Variants in BCKDHB observed in about 807,000 individuals in gnomAD.
The protein encoded by BCKDHB is 2-oxoisovalerate dehydrogenase subunit beta, mitochondrial.
BCKDHB carries 41 observed loss-of-function variants against 48.5 expected under a neutral mutation model. That is an observed-to-expected ratio of 0.85 (90% CI 0.66 to 1.10). The LOEUF is 1.10. Among genes scored for constraint, BCKDHB ranks in the 50% least tolerant of loss-of-function variants. The probability of loss-of-function intolerance (pLI) is 0.00; values close to 1 mark genes in which losing one functional copy is unlikely to be tolerated. For missense variants in BCKDHB, 496 were observed against 494.2 expected, an observed-to-expected ratio of 1.00 and a Z score of -0.03; for synonymous variants, 201 against 174.8, an observed-to-expected ratio of 1.15 and a Z score of -1.18.
chr6:80,225,261 T>C (rs1775633856), intron 8 of BCKDHB, among the ~76,000 whole-genome samples: 2 of 152,180 alleles, frequency 1.3e-5, no homozygotes, highest in South Asian at 2.1e-4. Flanking sequence ...CTTGAGTAGC[T>C]GAATGCCTAG....
chr6:80,106,647 A>C (rs752265477), upstream of BCKDHB: 10 of 1,537,262 alleles, frequency 6.5e-6, no homozygotes, highest in Admixed American at 2.0e-5. Context: ...CCCTCCCCGC[A>C]GGCGGCGTGC....
the BCKDHB span, among the ~76,000 whole-genome samples, chr6:80,457,786 G>A: frequency 2.4e-3 from 367 of 152,258 alleles, 1 homozygote; most frequent in South Asian, 0.017. Flanking sequence ...CTAGTGTATA[G>A]AAACCTCACA....
the BCKDHB span, among the ~76,000 whole-genome samples, chr6:80,382,996 A>G: frequency 6.6e-6 from 1 of 152,174 alleles, no homozygotes; most frequent in Non-Finnish European, 1.5e-5. Context: ...GGTAATAACC[A>G]GCCTTTATTT....
At chr6:80,241,724 T>G (rs1406822981) in intron 8 of BCKDHB, among the ~76,000 whole-genome samples, 1 of 152,212 alleles carries the variant, frequency 6.6e-6, no homozygotes, top group Non-Finnish European at 1.5e-5. Flanking sequence ...GTAGGTATTG[T>G]CAAATGATTT....
chr6:80,365,714 G>C, the BCKDHB span, among the ~76,000 whole-genome samples: 2 of 151,972 alleles, frequency 1.3e-5, no homozygotes, highest in African/African-American at 2.4e-5. Context: ...CTGAGGTGAC[G>C]TACATCCTCA....
At chr6:80,307,814 C>T in intron 9 of BCKDHB, 4 of 985,058 alleles carry the variant, frequency 4.1e-6, no homozygotes, top group Non-Finnish European at 4.8e-6. Flanking sequence ...GTAGATAATC[C>T]ATTCAAATGG....
intron 3 of BCKDHB, among the ~76,000 whole-genome samples, chr6:80,152,330 T>C (rs1480611312): frequency 3.3e-5 from 5 of 152,206 alleles, no homozygotes; most frequent in Admixed American, 6.5e-5. Flanking sequence ...TAATAAAAGA[T>C]AGAAGACTGA....
intron 3 of BCKDHB, among the ~76,000 whole-genome samples, chr6:80,136,550 T>C (rs919460414): frequency 2.0e-5 from 3 of 152,128 alleles, no homozygotes; most frequent in African/African-American, 7.2e-5. Context: ...GATTTGATAA[T>C]GACTTTTTAA....
chr6:80,211,937 G>C (rs1774953785), intron 8 of BCKDHB, among the ~76,000 whole-genome samples: 1 of 152,082 alleles, frequency 6.6e-6, no homozygotes, highest in Non-Finnish European at 1.5e-5. Flanking sequence ...ACAGGGAGTA[G>C]ATACAAAGAT....
chr6:80,461,951 C>T, the BCKDHB span, among the ~76,000 whole-genome samples: 1 of 151,956 alleles, frequency 6.6e-6, no homozygotes, highest in South Asian at 2.1e-4. Context: ...AGATTTTGAA[C>T]TTCTTATATT....
chr6:80,372,109 G>A, the BCKDHB span, among the ~76,000 whole-genome samples: 1,179 of 151,992 alleles, frequency 7.8e-3, 13 homozygotes, highest in African/African-American at 0.027. Flanking sequence ...CTACCCACCC[G>A]TAAGTATGGG....
chr6:80,151,423 T>A (rs2127754132), intron 3 of BCKDHB, among the ~76,000 whole-genome samples: 1 of 149,826 alleles, frequency 6.7e-6, no homozygotes, highest in South Asian at 2.3e-4. Context: ...AACTAACTTT[T>A]TTTTTTTTTG....
intron 9 of BCKDHB, among the ~76,000 whole-genome samples, chr6:80,282,670 T>A (rs989113893): frequency 6.6e-6 from 1 of 152,038 alleles, no homozygotes; most frequent in African/African-American, 2.4e-5. Context: ...CTTTACTTGC[T>A]CAATGTTGTG....
At chr6:80,418,883 T>A in the BCKDHB span, among the ~76,000 whole-genome samples, 1 of 152,174 alleles carries the variant, frequency 6.6e-6, no homozygotes, top group South Asian at 2.1e-4. Flanking sequence ...TGGGGGCCAC[T>A]TCTGGTGATT....
intron 3 of BCKDHB, among the ~76,000 whole-genome samples, chr6:80,166,270 T>C (rs1772562654): frequency 6.6e-6 from 1 of 152,232 alleles, no homozygotes. Flanking sequence ...ATATTTTGTA[T>C]AGTTTTTTCA....
At chr6:80,206,229 A>T (rs1562135985) in intron 8 of BCKDHB, among the ~76,000 whole-genome samples, 2 of 152,122 alleles carry the variant, frequency 1.3e-5, no homozygotes, top group Non-Finnish European at 2.9e-5. Context: ...TCTCAAACCC[A>T]CAATACAGCC....
chr6:80,391,473 G>C, the BCKDHB span, among the ~76,000 whole-genome samples: 1 of 152,116 alleles, frequency 6.6e-6, no homozygotes. Context: ...TCAGAGATTG[G>C]AGTGATGCAA....
intron 1 of BCKDHB, among the ~76,000 whole-genome samples, chr6:80,123,318 A>G (rs1337471091): frequency 6.6e-6 from 1 of 152,220 alleles, no homozygotes; most frequent in African/African-American, 2.4e-5. Flanking sequence ...GAATTAAGAG[A>G]TTAAAGTAAA....
At chr6:80,245,874 G>A (rs938370975) in intron 8 of BCKDHB, among the ~76,000 whole-genome samples, 1 of 152,102 alleles carries the variant, frequency 6.6e-6, no homozygotes, top group Non-Finnish European at 1.5e-5. Context: ...TTAGGAATGC[G>A]AGACCAGCCT....
Sources: gnomAD v4.1 joint callset for allele counts (sites outside exome capture counted in the v4.1 genomes callset) on GRCh38, gnomAD v4.1.1 for gene constraint, MANE v1.5 for transcripts, NCBI Gene and HGNC (gene_info 2026-07-23, HGNC 2026-07-21) for gene names.